The following ACACA variants were observed in gnomAD, a reference collection of about 807,000 sequenced individuals.
ACACA encodes the protein acetyl-CoA carboxylase alpha, also known as acetyl-CoA carboxylase 1.
Under a neutral mutation model 296.1 loss-of-function variants are expected in ACACA, and 103 were observed. That is an observed-to-expected ratio of 0.35 (90% confidence interval 0.30 to 0.41). The LOEUF (loss-of-function observed/expected upper bound fraction) is 0.41. Among genes scored for constraint, ACACA ranks in the 10% least tolerant of loss-of-function variants. The pLI is 1.00. For missense variants in ACACA, 1,554 were observed against 2,989.7 expected, an observed-to-expected ratio of 0.52 and a Z score of 11.20; for synonymous variants, 953 against 1,038.6, an observed-to-expected ratio of 0.92 and a Z score of 1.58.
intron 14 of ACACA, among the ~76,000 whole-genome samples, chr17:37,255,557 T>C (rs1274635503): frequency 1.3e-5 from 2 of 152,136 alleles, no homozygotes; most frequent in African/African-American, 4.8e-5. Context: ...CTGGATTGGG[T>C]TATAGGACAT....
chr17:37,313,528 T>G (rs2046946006), intron 3 of ACACA, among the ~76,000 whole-genome samples: 1 of 152,168 alleles, frequency 6.6e-6, no homozygotes, highest in Non-Finnish European at 1.5e-5. Context: ...TGAATACACA[T>G]TTCTCAAAAG....
chr17:37,138,012 C>T (rs113333485), intron 45 of ACACA, among the ~76,000 whole-genome samples: 2,633 of 152,254 alleles, frequency 0.017, 87 homozygotes, highest in African/African-American at 0.06. Context: ...ATTTCTTAGA[C>T]GCGCATACTA....
intron 42 of ACACA, among the ~76,000 whole-genome samples, chr17:37,156,475 T>C (rs1440601543): frequency 6.6e-6 from 1 of 152,196 alleles, no homozygotes; most frequent in Non-Finnish European, 1.5e-5. Context: ...TTTCACTCTC[T>C]CAAATCCACA....
At chr17:37,354,717 G>A (rs917656220) in intron 1 of ACACA, among the ~76,000 whole-genome samples, 1 of 151,774 alleles carries the variant, frequency 6.6e-6, no homozygotes, top group Admixed American at 6.6e-5. Context: ...TTGAAGCCAG[G>A]GGTTCGAGAC....
intron 1 of ACACA, among the ~76,000 whole-genome samples, chr17:37,389,828 G>A (rs1025891872): frequency 2.6e-5 from 4 of 151,806 alleles, no homozygotes; most frequent in African/African-American, 9.7e-5. Context: ...TGAAGCAAAT[G>A]TGGGCAATCC....
chr17:37,272,694 T>C (rs116356002), intron 9 of ACACA, among the ~76,000 whole-genome samples: 3,637 of 152,132 alleles, frequency 0.024, 74 homozygotes, highest in African/African-American at 0.05. Flanking sequence ...TTTAATATAA[T>C]GTTAAGTAAG....
intron 1 of ACACA, among the ~76,000 whole-genome samples, chr17:37,394,174 C>T: frequency 6.6e-6 from 1 of 151,876 alleles, no homozygotes; most frequent in Admixed American, 6.6e-5. Context: ...GTGGAAGTGC[C>T]AATTATTCCT....
chr17:37,393,805 G>A (rs1431373857), intron 1 of ACACA, among the ~76,000 whole-genome samples: 3 of 150,598 alleles, frequency 2.0e-5, no homozygotes, highest in East Asian at 1.9e-4. Flanking sequence ...GTGACAGAGC[G>A]AGACTGTCTC....
At chr17:37,293,912 A>G (rs1054569120) in intron 3 of ACACA, among the ~76,000 whole-genome samples, 5 of 152,244 alleles carry the variant, frequency 3.3e-5, no homozygotes, top group African/African-American at 1.2e-4. Flanking sequence ...TTTCATGTTT[A>G]ACGGTTTATT....
intron 3 of ACACA, among the ~76,000 whole-genome samples, chr17:37,313,507 G>A (rs1474616275): frequency 3.3e-5 from 5 of 152,100 alleles, no homozygotes; most frequent in Non-Finnish European, 7.4e-5. Context: ...TTTTAAAATA[G>A]GCAAAAGTTC....
intron 5 of ACACA, among the ~76,000 whole-genome samples, chr17:37,278,613 A>T (rs1188527528): frequency 6.6e-6 from 1 of 152,206 alleles, no homozygotes; most frequent in African/African-American, 2.4e-5. Flanking sequence ...TTGTCACCTA[A>T]CATCTCTATT....
intron 3 of ACACA, among the ~76,000 whole-genome samples, chr17:37,316,899 C>T (rs549696094): frequency 7.1e-4 from 108 of 151,844 alleles, no homozygotes; most frequent in African/African-American, 2.5e-3. Context: ...ATGGCGAAAC[C>T]GTGTCTCTAC....
At chr17:37,295,509 C>A (rs887522531) in intron 3 of ACACA, among the ~76,000 whole-genome samples, 3 of 152,134 alleles carry the variant, frequency 2.0e-5, no homozygotes, top group East Asian at 1.9e-4. Flanking sequence ...AAGCACACGG[C>A]CAGGCACAGT....
intron 42 of ACACA, among the ~76,000 whole-genome samples, chr17:37,160,333 C>T (rs2076411452): frequency 6.6e-6 from 1 of 152,178 alleles, no homozygotes; most frequent in African/African-American, 2.4e-5. Flanking sequence ...GAAGTAGGAA[C>T]TATTCATTCA....
intron 3 of ACACA, among the ~76,000 whole-genome samples, chr17:37,320,891 G>A (rs1286024832): frequency 6.6e-6 from 1 of 151,160 alleles, no homozygotes; most frequent in African/African-American, 2.4e-5. Flanking sequence ...AGGTTGCAGT[G>A]AGCCGAGATC....
chr17:37,339,921 T>C, intron 1 of ACACA, 71 bp from the exon 2 acceptor site: 1 of 797,898 alleles, frequency 1.3e-6, no homozygotes, highest in Non-Finnish European at 2.1e-6. Context: ...CCTGTTTTGC[T>C]CAGCATAATA....
rs894472240 is a variant in ACACA, at chr17:37,200,139, A to T, written c.4158T>A (p.His1386Gln). The T allele has an allele frequency of 6.3e-7, 1 of 1,595,214 alleles. No individual in the cohort carries two copies. The highest frequency in any genetic ancestry group is 8.6e-7 in the Non-Finnish European group (1 of 1,162,912). Residue 1386 changes from histidine to glutamine, a missense_variant and splice_region_variant, in exon 35 of 56, where the codon CAT becomes CAA. Around this residue, in one of 16 missense-constraint regions of ACACA, gnomAD observed 179 missense variants for 283.2 expected, o/e 0.63. Transcript: ENST00000616317. ...TTTCATTATTGTTCATTTTACTTAC[A>T]TGAAATCTCCGATCCACCTCATAGT... ...QVNYEVDRRFHREFPKFFTFR... is the reference protein window; with the variant it reads ...QVNYEVDRRFQREFPKFFTFR...
intron 41 of ACACA, among the ~76,000 whole-genome samples, chr17:37,168,077 C>T (rs1242445749): frequency 3.3e-5 from 5 of 152,194 alleles, no homozygotes; most frequent in African/African-American, 1.2e-4. Flanking sequence ...TGAGACTCAG[C>T]TTTCTAGCCA....
chr17:37,204,897 C>A lies in ACACA; in HGVS notation c.4056+868G>T, dbSNP rs190046898. Among the ~76,000 whole-genome samples the A allele has an allele frequency of 1.9e-3, 287 of 152,254 alleles. 2 individuals carry two copies. Among genetic ancestry groups the A allele is most frequent in the Admixed American group, 2.7e-3 (42 of 15,302 alleles). ...GTGGGAAAATAACATGGTAAGAGCA[C>A]ATTTGGGACATTTAATTTTGTGGTG... On this transcript the variant is annotated intron_variant, in intron 33 of 55. Transcript: ENST00000616317.
Sources: gnomAD v4.1 joint callset for allele counts (sites outside exome capture counted in the v4.1 genomes callset) on GRCh38, gnomAD v4.1.1 for gene constraint, gnomAD v4.1.1 regional missense constraint, MANE v1.5 for transcripts, NCBI Gene and HGNC (gene_info 2026-07-23, HGNC 2026-07-21) for gene names.